TYK2: variants seen among roughly 807,000 people sequenced by gnomAD.
TYK2 encodes the protein non-receptor tyrosine-protein kinase TYK2.
In TYK2, 65 loss-of-function variants were observed where a neutral mutation model predicts 130.9. The ratio of observed to expected loss-of-function variants is 0.50; its 90% CI spans 0.41 to 0.61. TYK2 has a LOEUF of 0.61. TYK2 is among the 20% of genes least tolerant of loss of function. The pLI is 0.00. For synonymous variants in TYK2, 647 were observed against 658.9 expected, an observed-to-expected ratio of 0.98 and a Z score of 0.28; for missense variants, 1,378 against 1,610.7, an observed-to-expected ratio of 0.86 and a Z score of 2.47.
chr19:10,355,643 AAAAAAAAAAAAGAAAGAAAG>A (rs2041058583), intron 18 of TYK2, among the ~76,000 whole-genome samples: 1 of 148,340 alleles, frequency 6.7e-6, no homozygotes, highest in Non-Finnish European at 1.5e-5. Context: ...TCCATCTCAA[AAAAAAAAAAAAGAAAGAAAG>A]AAAAAAAAAA....
chr19:10,364,452 T>C lies in TYK2; in HGVS notation c.1367+162A>G, dbSNP rs928779177. 6.6e-6 allele frequency among the ~76,000 whole-genome samples: 1 copy of C among 151,950 alleles called. No individual in the cohort carries two copies. The highest frequency in any genetic ancestry group is 1.5e-5 in the Non-Finnish European group (1 of 67,980). On this transcript the variant is annotated intron_variant, in intron 9 of 24. Coordinates refer to ENST00000525621, the MANE Select transcript of TYK2 (RefSeq NM_003331.5). This position sits in a 1 kb window ranked among gnomAD's most constrained non-coding sequence, Gnocchi z 4.9. ...TCGCTTGAACCCGGGAGGCGGAGGCTGCAGTGAGCTGAGATCATGCCACTG... is the reference window on the plus strand; with the variant it reads ...TCGCTTGAACCCGGGAGGCGGAGGCCGCAGTGAGCTGAGATCATGCCACTG...
Position 10,353,399 on chromosome 19 carries a change from G to A in TYK2, c.3027+129C>T. ...CAAGCCAAACAGTTCGGAGGTCAGT[G>A]CAAGGACAAGACAGCCTGGGCAAAC... is the stretch of plus-strand genomic sequence containing the variant. On this transcript the variant is annotated intron_variant, in intron 21 of 24. Transcript: ENST00000525621. This position sits in a 1 kb window ranked among gnomAD's most constrained non-coding sequence, Gnocchi z 6.9. 1.4e-6 allele frequency: 1 copy of A among 695,932 alleles called. No individual in the cohort carries two copies. The highest frequency in any genetic ancestry group is 2.3e-6 in the Non-Finnish European group (1 of 434,356). The allele number at this position is 695,932 out of a possible 1,614,324, so 43.1% of individuals were successfully genotyped here. A position where few individuals can be genotyped will look rare whatever the true frequency, so the allele number is the denominator to read the frequency against.
Position 10,364,911 on chromosome 19 carries a change from G to C in TYK2, c.1149C>G (p.Ile383Met), listed in dbSNP as rs1201859920. 1 of 1,614,226 alleles carries C rather than the reference G, an allele frequency of 6.2e-7. No homozygotes were observed. The highest frequency in any genetic ancestry group is 8.5e-7 in the Non-Finnish European group (1 of 1,180,046). Reference protein sequence around the residue: ...LWAYFCDFRDITHVVLKEHCV... With the variant: ...LWAYFCDFRDMTHVVLKEHCV... Reference sequence around the variant, plus strand: ...AGTGCTCTTTCAGCACCACGTGGGTGATGTCCCGGAAGTCACAGAAGTAGG... The same window carrying C: ...AGTGCTCTTTCAGCACCACGTGGGTCATGTCCCGGAAGTCACAGAAGTAGG... The change falls in exon 8 of 25, where the codon ATC becomes ATG. Residue 383 changes from isoleucine to methionine, a missense_variant. By Grantham distance (10) the Ile-to-Met change is conservative (BLOSUM62 1). Transcript: ENST00000525621. The surrounding 1 kb of genome is among the most constrained non-coding windows in gnomAD (Gnocchi z 4.9).
intron 2 of TYK2, 21 bp from the exon 3 acceptor site, chr19:10,378,447 C>T: frequency 6.3e-7 from 1 of 1,593,266 alleles, no homozygotes; most frequent in South Asian, 1.1e-5. Context: ...GACAATCTGT[C>T]AGCTCCCAAG....
intron 3 of TYK2, among the ~76,000 whole-genome samples, chr19:10,373,198 G>A (rs1272355272): frequency 1.3e-5 from 2 of 151,038 alleles, no homozygotes; most frequent in Non-Finnish European, 2.9e-5. Flanking sequence ...CACCACGCCC[G>A]GCTAATTTTT....
At chr19:10,370,294 G>A (rs2041858219) in intron 3 of TYK2, among the ~76,000 whole-genome samples, 1 of 151,590 alleles carries the variant, frequency 6.6e-6, no homozygotes, top group Admixed American at 6.6e-5. Context: ...GGGAGGCGGA[G>A]GTTGCAGTGA....
chr19:10,353,132 G>C lies in TYK2; in HGVS notation c.3028-34C>G. The C allele has an allele frequency of 6.8e-7, 1 of 1,471,294 alleles. No individual in the cohort carries two copies. The highest frequency in any genetic ancestry group is 9.0e-7 in the Non-Finnish European group (1 of 1,107,956). 91.1% of individuals were successfully genotyped at this position (1,471,294 alleles called of 1,614,324 possible). ...GGGGCAGGGCTCGTGAGTTTCAGTG[G>C]GGCGGGGTTCGGCCGGGGGCGGCGG... On this transcript the variant is annotated intron_variant, in intron 21 of 24. Coordinates refer to ENST00000525621, the MANE Select transcript of TYK2 (RefSeq NM_003331.5). The surrounding 1 kb of genome is among the most constrained non-coding windows in gnomAD (Gnocchi z 6.9).
In TYK2 at chr19:10,361,490, G is replaced by T. The variant is rs1253992435; in HGVS notation, c.2047+21C>A. ...AGGGGTGGCCTGCCAAAGGGGGATG[G>T]GTATGGCGGGACCCACTCACTTTCA... On this transcript the variant is annotated intron_variant, in intron 14 of 24. Transcript: ENST00000525621. This position sits in a 1 kb window ranked among gnomAD's most constrained non-coding sequence, Gnocchi z 4.0. 2 of 1,544,618 alleles carry T rather than the reference G, an allele frequency of 1.3e-6. No homozygotes were observed. The highest frequency in any genetic ancestry group is 4.9e-5 in the East Asian group (2 of 40,918).
rs774660704 is a variant in TYK2, at chr19:10,352,530, C to T, written c.3222G>A (p.Lys1074=). Residue 1074 remains lysine, a synonymous_variant, in exon 23 of 25, where the codon AAG becomes AAA. Coordinates refer to ENST00000525621, the MANE Select transcript of TYK2 (RefSeq NM_003331.5). The part of the protein sequence containing the change: ...PVFWYAPECL[K]EYKFYYASDV... ...CTGACGCATAGTAGAACTTATACTCCTTCAGGCACTCTGGGGCATACCTAG... is the reference window on the plus strand; with the variant it reads ...CTGACGCATAGTAGAACTTATACTCTTTCAGGCACTCTGGGGCATACCTAG... 2 of 1,571,448 alleles carry T rather than the reference C, an allele frequency of 1.3e-6. No individual in the cohort carries two copies. The highest frequency in any genetic ancestry group is 2.3e-5 in the East Asian group (1 of 43,408).
chr19:10,364,642 T>G lies in TYK2; in HGVS notation c.1339A>C (p.Ile447Leu). 1 of 1,613,840 alleles carries G rather than the reference T, an allele frequency of 6.2e-7. No homozygotes were observed. Among genetic ancestry groups the G allele is most frequent in the Non-Finnish European group, 8.5e-7 (1 of 1,179,988 alleles). Residue 447 changes from isoleucine (I) to leucine (L), a missense_variant, in exon 9 of 25, where the codon ATC becomes CTC. By Grantham distance (5) the Ile-to-Leu change is conservative. Transcript: ENST00000525621. This position sits in a 1 kb window ranked among gnomAD's most constrained non-coding sequence, Gnocchi z 4.9. ...AGGGGTCCGTGGATCCCATCCCGGATGCTCATCACCAGCCGTGGGGGAGCC... is the reference window on the plus strand; with the variant it reads ...AGGGGTCCGTGGATCCCATCCCGGAGGCTCATCACCAGCCGTGGGGGAGCC... ...EVAPPRLVMS[I>L]RDGIHGPLLE...
At position 10,356,607 on chromosome 19, in the gene TYK2, G is replaced by A. The variant is rs1405594069; in HGVS notation, c.2578C>T (p.Arg860Cys). ...CGGGTGAGGTCACGCAGGATGGTGC[G>A]GAATGATGGCCTCTGGGTTGGCTCA... ...TYEPTQRPSF[R>C]TILRDLTRLQ... Residue 860 changes from arginine to cysteine, a missense_variant, in exon 18 of 25, where the codon CGC becomes TGC. By Grantham distance (180) the Arg-to-Cys change is radical (BLOSUM62 -3). Transcript: ENST00000525621. The A allele has an allele frequency of 1.9e-6, 3 of 1,613,574 alleles. No homozygotes were observed. The highest frequency in any genetic ancestry group is 1.3e-5 in the African/African-American group (1 of 74,900).
At chr19:10,379,388 C>T (rs1330863504) in intron 2 of TYK2, among the ~76,000 whole-genome samples, 6 of 149,972 alleles carry the variant, frequency 4.0e-5, no homozygotes, top group African/African-American at 9.7e-5. Flanking sequence ...AAGGGCCAGG[C>T]GCGGTGGCTC....
chr19:10,376,537 A>T (rs892687853), intron 3 of TYK2, among the ~76,000 whole-genome samples: 4 of 119,514 alleles, frequency 3.3e-5, no homozygotes. Context: ...TGAACTCCTG[A>T]TCTCAGGTGA....
rs542417000 is a variant in TYK2 at position 10,361,524 on chromosome 19, C to T, written c.2034G>A (p.Val678=). The stretch of plus-strand genomic sequence containing the variant: ...GGACCCACTCACTTTCAGGGCCGCG[C>T]ACACAGACGCCATGCACGAAGGCCA... ...THLAFVHGVC[V]RGPENIMVTE... is the part of the protein sequence containing the mutation. Residue 678 remains valine (V), a synonymous_variant, in exon 14 of 25, where the codon GTG becomes GTA. Transcript: ENST00000525621. The surrounding 1 kb of genome is among the most constrained non-coding windows in gnomAD (Gnocchi z 4.0). The T allele has an allele frequency of 1.9e-6, 3 of 1,545,978 alleles. No individual in the cohort carries two copies. In the Admixed American group the frequency reaches 5.9e-5, roughly 30 times the overall value.
intron 22 of TYK2, 28 bp from the exon 23 acceptor site, chr19:10,352,579 G>A (rs201603816): frequency 8.4e-5 from 94 of 1,124,890 alleles, no homozygotes; most frequent in African/African-American, 1.2e-4. Context: ...CTCAGGCCAC[G>A]GGGGGCTGCA....
chr19:10,354,359 G>T, intron 19 of TYK2, 125 bp from the exon 20 acceptor site: 1 of 1,358,928 alleles, frequency 7.4e-7, no homozygotes, highest in Non-Finnish European at 1.0e-6. Flanking sequence ...CGCCTACTCC[G>T]CTCTATTAAG....
At chr19:10,375,113 G>A (rs982775385) in intron 3 of TYK2, among the ~76,000 whole-genome samples, 1 of 151,744 alleles carries the variant, frequency 6.6e-6, no homozygotes, top group Non-Finnish European at 1.5e-5. Flanking sequence ...AGGCTGCAAT[G>A]CGTCATGATT....
chr19:10,352,850 C>G, intron 22 of TYK2, 76 bp downstream of exon 22: 1 of 1,499,368 alleles, frequency 6.7e-7, no homozygotes, highest in Non-Finnish European at 8.9e-7. Flanking sequence ...TATCATGATA[C>G]CCAGCATCCG....
intron 24 of TYK2, 21 bp downstream of exon 24, chr19:10,351,031 G>A (rs377566723): frequency 9.9e-6 from 16 of 1,614,032 alleles, no homozygotes; most frequent in East Asian, 2.2e-5. Context: ...TGGGGTCAGG[G>A]AAAGACAAAG....
Sources: allele counts gnomAD v4.1 joint callset (sites outside exome capture counted in the v4.1 genomes callset), GRCh38; gene constraint gnomAD v4.1.1; non-coding constraint Gnocchi (gnomAD v3.1); transcripts MANE v1.5; gene names NCBI Gene and HGNC (gene_info 2026-07-23, HGNC 2026-07-21).